SMIM1: variants seen among roughly 807,000 people sequenced by gnomAD.
SMIM1 encodes small integral membrane protein 1.
Under a neutral mutation model 7.7 loss-of-function variants are expected in SMIM1, and 7 were observed. The ratio of observed to expected loss-of-function variants is 0.91; its 90% CI spans 0.52 to 1.71. The LOEUF (loss-of-function observed/expected upper bound fraction) is 1.71, where lower values mean the gene tolerates loss of function less well. Ranked by LOEUF, SMIM1 falls within the 40% of genes most tolerant of loss-of-function variation. The pLI is 0.00. For missense variants in SMIM1, 95 were observed against 102.8 expected, an observed-to-expected ratio of 0.92 and a Z score of 0.33; for synonymous variants, 41 against 42.7, an observed-to-expected ratio of 0.96 and a Z score of 0.16.
Position 3,775,611 on chromosome 1 carries a change from C to A in SMIM1, c.110+128C>A. 7.8e-7 allele frequency: 1 copy of A among 1,274,492 alleles called. No homozygotes were observed. The highest frequency in any genetic ancestry group is 1.1e-6 in the Non-Finnish European group (1 of 941,380). 78.9% of individuals were successfully genotyped at this position (1,274,492 alleles called of 1,614,324 possible). A position where few individuals can be genotyped will look rare whatever the true frequency, so the allele number is the denominator to read the frequency against. ...TCCTGGCTGGGAGCCCACGGTCCAG[C>A]AGCTCAGCAAACCGCAGCCTTTGGC... On this transcript the variant is annotated intron_variant, in intron 3 of 3. Transcript: ENST00000642557. The surrounding 1 kb of genome is among the most constrained non-coding windows in gnomAD (Gnocchi z 5.3).
At position 3,775,903 on chromosome 1, in the gene SMIM1, T is replaced by C. The variant is rs1182670350; in HGVS notation, c.219T>C (p.Tyr73=). 2.6e-6 allele frequency: 4 copies of C among 1,550,212 alleles called. No homozygotes were observed. In the Admixed American group the frequency reaches 5.9e-5, roughly 23 times the overall value. ...TCCTGGGCTACCTCACAGGCTACTATGTGCACAAGTGCAAATAAATGCTGC... is the reference window on the plus strand; with the variant it reads ...TCCTGGGCTACCTCACAGGCTACTACGTGCACAAGTGCAAATAAATGCTGC... ...IFILGYLTGY[Y]VHKCK The change falls in exon 4 of 4, where the codon TAT becomes TAC. Residue 73 remains tyrosine, a synonymous_variant. Coordinates refer to ENST00000642557, the MANE Select transcript of SMIM1 (RefSeq NM_001288583.2). The surrounding 1 kb of genome is among the most constrained non-coding windows in gnomAD (Gnocchi z 5.3).
rs1643406684 is a variant in SMIM1 at position 3,773,182 on chromosome 1, G to GT, written c.-76+2dup. 6.6e-6 allele frequency: 1 copy of GT among 152,364 alleles called. No individual in the cohort carries two copies. The highest frequency in any genetic ancestry group is 1.5e-5 in the Non-Finnish European group (1 of 68,158). The allele number at this position is 152,364 out of a possible 1,614,324, so 9.4% of individuals were successfully genotyped here. On this transcript the variant is annotated splice_donor_variant, in intron 2 of 3. Coordinates refer to ENST00000642557, the MANE Select transcript of SMIM1 (RefSeq NM_001288583.2). LOFTEE classifies it low-confidence loss of function (5UTR_SPLICE). ...CCAGCCCTCAGGCAAGGTTCTCCGG[G>GT]TAAGTGTGGGGCCCTGAGGCGCTGT...
intron 2 of SMIM1, among the ~76,000 whole-genome samples, chr1:3,774,258 G>A (rs887523061): frequency 6.6e-6 from 1 of 152,096 alleles, no homozygotes; most frequent in Non-Finnish European, 1.5e-5. Flanking sequence ...TGCTGAGAGG[G>A]GACACTGGGG....
chr1:3,774,971 C>G (rs1643435713), intron 2 of SMIM1, among the ~76,000 whole-genome samples: 1 of 152,046 alleles, frequency 6.6e-6, no homozygotes, highest in African/African-American at 2.4e-5. Context: ...TAGATTGGGC[C>G]ACAATGTCCT....
intron 2 of SMIM1, among the ~76,000 whole-genome samples, chr1:3,773,972 A>G (rs1294536284): frequency 1.3e-5 from 2 of 152,114 alleles, no homozygotes; most frequent in African/African-American, 4.8e-5. Flanking sequence ...GCTCCCACCG[A>G]AGGCACACTT....
rs779131864 is a variant in SMIM1 at position 3,775,473 on chromosome 1, C to T, written c.100C>T (p.Arg34Cys). ...TGTGTCCAGCACAGAAGAGGCCTCA[C>T]GCTGCCGCAGGTGAGGGGCCTGAGG... ...GAVSSTEEAS[R>C]CRRISQRLCT... The change falls in exon 3 of 4, where the codon CGC (arginine) becomes TGC (cysteine). Residue 34 changes from arginine to cysteine, a missense_variant. Coordinates refer to ENST00000642557, the MANE Select transcript of SMIM1 (RefSeq NM_001288583.2). The surrounding 1 kb of genome is among the most constrained non-coding windows in gnomAD (Gnocchi z 5.3). The T allele has an allele frequency of 1.5e-5, 24 of 1,549,580 alleles. No individual in the cohort carries two copies. The highest frequency in any genetic ancestry group is 4.1e-5 in the African/African-American group (3 of 73,000).
chr1:3,775,690 C>T lies in SMIM1; in HGVS notation c.111-105C>T, dbSNP rs1050805258. ...GAGCTTCCTCTTGACTCCAGCAGAG[C>T]GCCCAGGCCCCTCCCCCTGACCCAG... On this transcript the variant is annotated intron_variant, in intron 3 of 3. Coordinates refer to ENST00000642557, the MANE Select transcript of SMIM1 (RefSeq NM_001288583.2). This position sits in a 1 kb window ranked among gnomAD's most constrained non-coding sequence, Gnocchi z 5.3. 70 of 1,433,596 alleles carry T rather than the reference C, an allele frequency of 4.9e-5. No individual in the cohort carries two copies. Among genetic ancestry groups the T allele is most frequent in the Non-Finnish European group, 6.1e-5 (66 of 1,087,724 alleles). 88.8% of individuals were successfully genotyped at this position (1,433,596 alleles called of 1,614,324 possible). A position where few individuals can be genotyped will look rare whatever the true frequency, so the allele number is the denominator to read the frequency against.
Position 3,775,253 on chromosome 1 carries a change from C to T in SMIM1, c.-75-46C>T. ...TTAGTGCCCCTCTCCTAACAGCAGCCTCAGAGGGGGTCTTGACTGCCGCCC... is the reference window on the plus strand; with the variant it reads ...TTAGTGCCCCTCTCCTAACAGCAGCTTCAGAGGGGGTCTTGACTGCCGCCC... On this transcript the variant is annotated intron_variant, in intron 2 of 3. Transcript: ENST00000642557. The surrounding 1 kb of genome is among the most constrained non-coding windows in gnomAD (Gnocchi z 5.3). The T allele has an allele frequency of 1.5e-6, 1 of 683,868 alleles. No homozygotes were observed. Among genetic ancestry groups the T allele is most frequent in the Non-Finnish European group, 2.4e-6 (1 of 412,242 alleles). 42.4% of individuals were successfully genotyped at this position (683,868 alleles called of 1,614,324 possible). A position where few individuals can be genotyped will look rare whatever the true frequency, so the allele number is the denominator to read the frequency against.
In SMIM1 at chr1:3,775,737, A is replaced by T; in HGVS notation, c.111-58A>T. 6.6e-7 allele frequency: 1 copy of T among 1,524,104 alleles called. No homozygotes were observed. The allele number at this position is 1,524,104 out of a possible 1,614,324, so 94.4% of individuals were successfully genotyped here. ...CCAGACCAACGGCCACAGTCCACTTAGGGGGCCCCTCATGCGGCCCTGGCC... is the reference window on the plus strand; with the variant it reads ...CCAGACCAACGGCCACAGTCCACTTTGGGGGCCCCTCATGCGGCCCTGGCC... On this transcript the variant is annotated intron_variant, in intron 3 of 3. Transcript: ENST00000642557. This position sits in a 1 kb window ranked among gnomAD's most constrained non-coding sequence, Gnocchi z 5.3.
chr1:3,774,836 C>A (rs2124603958), intron 2 of SMIM1, among the ~76,000 whole-genome samples: 1 of 151,870 alleles, frequency 6.6e-6, no homozygotes, highest in Middle Eastern at 3.4e-3. Flanking sequence ...TCTAGCTGTA[C>A]CAGCCGCTGC....
At chr1:3,774,946 T>C (rs1643435408) in intron 2 of SMIM1, among the ~76,000 whole-genome samples, 1 of 151,622 alleles carries the variant, frequency 6.6e-6, no homozygotes, top group South Asian at 2.1e-4. Flanking sequence ...GGGACAGTTA[T>C]CAGGGGCTGC....
At chr1:3,772,972 C>T (rs1403274355) in intron 1 of SMIM1, 91 bp from the exon 2 acceptor site, 2 of 152,374 alleles carry the variant, frequency 1.3e-5, no homozygotes, top group African/African-American at 2.4e-5. Flanking sequence ...TTGCCCGGCT[C>T]CTTGTGGCTG....
chr1:3,775,709 G>A lies in SMIM1; in HGVS notation c.111-86G>A. ...GCAGAGCGCCCAGGCCCCTCCCCCTGACCCAGACCAACGGCCACAGTCCAC... is the reference window on the plus strand; with the variant it reads ...GCAGAGCGCCCAGGCCCCTCCCCCTAACCCAGACCAACGGCCACAGTCCAC... On this transcript the variant is annotated intron_variant, in intron 3 of 3. Coordinates refer to ENST00000642557, the MANE Select transcript of SMIM1 (RefSeq NM_001288583.2). The surrounding 1 kb of genome is among the most constrained non-coding windows in gnomAD (Gnocchi z 5.3). 6.7e-7 allele frequency: 1 copy of A among 1,487,440 alleles called. No homozygotes were observed. Among genetic ancestry groups the A allele is most frequent in the Non-Finnish European group, 8.9e-7 (1 of 1,120,286 alleles). The allele number at this position is 1,487,440 out of a possible 1,614,324, so 92.1% of individuals were successfully genotyped here.
At position 3,775,618 on chromosome 1, in the gene SMIM1, G is replaced by A. The variant is rs1643446614; in HGVS notation, c.110+135G>A. On this transcript the variant is annotated intron_variant, in intron 3 of 3. Coordinates refer to ENST00000642557, the MANE Select transcript of SMIM1 (RefSeq NM_001288583.2). This position sits in a 1 kb window ranked among gnomAD's most constrained non-coding sequence, Gnocchi z 5.3. ...TGGGAGCCCACGGTCCAGCAGCTCA[G>A]CAAACCGCAGCCTTTGGCCTTCCCT... is the stretch of plus-strand genomic sequence containing the variant. 1.6e-6 allele frequency: 2 copies of A among 1,282,604 alleles called. No individual in the cohort carries two copies. The highest frequency in any genetic ancestry group is 2.1e-6 in the Non-Finnish European group (2 of 951,200). The allele number at this position is 1,282,604 out of a possible 1,614,324, so 79.5% of individuals were successfully genotyped here.
In SMIM1 at chr1:3,775,681, C is replaced by G. The variant is rs1220944249; in HGVS notation, c.111-114C>G. ...GGGCGGGGAGAGCTTCCTCTTGACTCCAGCAGAGCGCCCAGGCCCCTCCCC... is the reference window on the plus strand; with the variant it reads ...GGGCGGGGAGAGCTTCCTCTTGACTGCAGCAGAGCGCCCAGGCCCCTCCCC... On this transcript the variant is annotated intron_variant, in intron 3 of 3. Coordinates refer to ENST00000642557, the MANE Select transcript of SMIM1 (RefSeq NM_001288583.2). The surrounding 1 kb of genome is among the most constrained non-coding windows in gnomAD (Gnocchi z 5.3). 2.8e-6 allele frequency: 4 copies of G among 1,426,328 alleles called. No homozygotes were observed. Among genetic ancestry groups the G allele is most frequent in the Admixed American group, 5.1e-5 (2 of 39,048 alleles). 88.4% of individuals were successfully genotyped at this position (1,426,328 alleles called of 1,614,324 possible). A position where few individuals can be genotyped will look rare whatever the true frequency, so the allele number is the denominator to read the frequency against.
chr1:3,774,546 A>C (rs1287384255), intron 2 of SMIM1, among the ~76,000 whole-genome samples: 1 of 152,142 alleles, frequency 6.6e-6, no homozygotes, highest in Non-Finnish European at 1.5e-5. Context: ...TGCAAAGATG[A>C]GTCCCAGGTC....
Position 3,775,815 on chromosome 1 carries a change from C to T in SMIM1, c.131C>T (p.Thr44Met), listed in dbSNP as rs761861119. The change falls in exon 4 of 4, where the codon ACG becomes ATG. Residue 44 changes from threonine to methionine, a missense_variant. Thr to Met is a moderately conservative substitution (Grantham distance 81, BLOSUM62 -1). Coordinates refer to ENST00000642557, the MANE Select transcript of SMIM1 (RefSeq NM_001288583.2). This position sits in a 1 kb window ranked among gnomAD's most constrained non-coding sequence, Gnocchi z 5.3. ...CCCAGGATCTCCCAGAGGCTGTGCA[C>T]GGGCAAGCTGGGCATCGCCATGAAG... ...RCRRISQRLC[T>M]GKLGIAMKVL... 9.0e-6 allele frequency: 14 copies of T among 1,550,594 alleles called. No homozygotes were observed. Among genetic ancestry groups the T allele is most frequent in the Admixed American group, 3.9e-5 (2 of 50,996 alleles).
In SMIM1 at chr1:3,775,509, A is replaced by T. The variant is rs1643444987; in HGVS notation, c.110+26A>T. 3.9e-6 allele frequency: 6 copies of T among 1,534,828 alleles called. No homozygotes were observed. Among genetic ancestry groups the T allele is most frequent in the South Asian group, 1.2e-5 (1 of 83,472 alleles). Reference sequence around the variant, plus strand: ...GTGAGGGGCCTGAGGGCAGCCTGCCAGCCATAGCAGGCTGGTGTCTCCCTC... The same window carrying T: ...GTGAGGGGCCTGAGGGCAGCCTGCCTGCCATAGCAGGCTGGTGTCTCCCTC... On this transcript the variant is annotated intron_variant, in intron 3 of 3. Coordinates refer to ENST00000642557, the MANE Select transcript of SMIM1 (RefSeq NM_001288583.2). This position sits in a 1 kb window ranked among gnomAD's most constrained non-coding sequence, Gnocchi z 5.3.
At position 3,775,155 on chromosome 1, in the gene SMIM1, ACT is replaced by A. The variant is rs1326243826; in HGVS notation, c.-75-141_-75-140del. ...CTCCCGGCCTGACCCTGGGCAAATG[ACT>A]CTACCACTTTGTGTCTAGGTCACCT... On this transcript the variant is annotated intron_variant, in intron 2 of 3. Coordinates refer to ENST00000642557, the MANE Select transcript of SMIM1 (RefSeq NM_001288583.2). This position sits in a 1 kb window ranked among gnomAD's most constrained non-coding sequence, Gnocchi z 5.3. 4.4e-5 allele frequency: 20 copies of A among 457,424 alleles called. No individual in the cohort carries two copies. Among genetic ancestry groups the A allele is most frequent in the Non-Finnish European group, 6.4e-5 (16 of 248,612 alleles). The allele number at this position is 457,424 out of a possible 1,614,324, so 28.3% of individuals were successfully genotyped here.
Sources: gnomAD v4.1 joint callset for allele counts (sites outside exome capture counted in the v4.1 genomes callset) on GRCh38, gnomAD v4.1.1 for gene constraint, Gnocchi (gnomAD v3.1) non-coding constraint, MANE v1.5 for transcripts, NCBI Gene and HGNC (gene_info 2026-07-23, HGNC 2026-07-21) for gene names.